Variants in ANK2 observed in about 807,000 individuals in gnomAD.
ANK2 encodes the protein ankyrin 2.
In ANK2, 83 loss-of-function variants were observed where a neutral mutation model predicts 360.5. The observed-to-expected ratio is 0.23, with a 90% CI of 0.19 to 0.28. ANK2 has a LOEUF of 0.28. Among genes scored for constraint, ANK2 ranks in the 10% least tolerant of loss-of-function variants. The pLI is 1.00. For synonymous variants in ANK2, 1,740 were observed against 1,759.5 expected, an observed-to-expected ratio of 0.99 and a Z score of 0.28; for missense variants, 4,201 against 4,795.7, an observed-to-expected ratio of 0.88 and a Z score of 3.66.
chr4:113,344,095 T>C (rs2094567942), intron 34 of ANK2, among the ~76,000 whole-genome samples: 1 of 152,240 alleles, frequency 6.6e-6, no homozygotes, highest in African/African-American at 2.4e-5. Flanking sequence ...TGATAGATTC[T>C]TACAGATCAC....
In ANK2 at chr4:113,369,526, A is replaced by G. The variant is rs2154065792; in HGVS notation, c.11331A>G (p.Pro3777=). Residue 3777 remains proline, a synonymous_variant, in exon 43 of 46, where the codon CCA becomes CCG. Transcript: ENST00000357077. ...TTTTTGATTCCAGTGTGACAACTCC[A>G]GGAACAGAAACATCAGAGACTCAGA... is the stretch of plus-strand genomic sequence containing the variant. The part of the protein sequence containing the change: ...EYQQEYFVTT[P]GTETSETQKA... The G allele has an allele frequency of 6.2e-7, 1 of 1,613,972 alleles. No homozygotes were observed. The highest frequency in any genetic ancestry group is 1.1e-5 in the South Asian group (1 of 91,090).
chr4:112,728,756 T>C, the ANK2 span, among the ~76,000 whole-genome samples: 1 of 151,636 alleles, frequency 6.6e-6, no homozygotes, highest in Non-Finnish European at 1.5e-5. Flanking sequence ...AATAAATAAA[T>C]AACAAGTGAA....
At chr4:112,975,880 TA>T (rs2041207447) in intron 2 of ANK2, among the ~76,000 whole-genome samples, 1 of 152,198 alleles carries the variant, frequency 6.6e-6, no homozygotes, top group Admixed American at 6.5e-5. Context: ...GGGTACCATC[TA>T]TGGGTACGTT....
intron 1 of ANK2, among the ~76,000 whole-genome samples, chr4:113,067,555 A>G (rs1159443120): frequency 6.6e-6 from 1 of 152,190 alleles, no homozygotes; most frequent in Admixed American, 6.5e-5. Context: ...AGTTTTAGGA[A>G]CCATCAGCAT....
upstream of ANK2, among the ~76,000 whole-genome samples, chr4:113,044,812 A>G (rs1404520464): frequency 3.9e-5 from 6 of 152,082 alleles, no homozygotes; most frequent in Admixed American, 6.6e-5. Flanking sequence ...AGCCCACCCT[A>G]GTTCATTATG....
upstream of ANK2, chr4:113,049,532 G>T (rs1322713662): frequency 1.4e-5 from 15 of 1,092,692 alleles, no homozygotes; most frequent in East Asian, 4.6e-4. Context: ...GGTTGAATCA[G>T]ATTTAACAAT....
At chr4:113,106,642 G>A (rs62313804) in intron 1 of ANK2, among the ~76,000 whole-genome samples, 29,730 of 152,036 alleles carry the variant, frequency 0.2, 2,981 homozygotes, top group Non-Finnish European at 0.22. Flanking sequence ...GTCTTCAATT[G>A]TAACTGTAGT....
At chr4:113,035,547 T>C (rs2061412994) in intron 2 of ANK2, among the ~76,000 whole-genome samples, 1 of 151,998 alleles carries the variant, frequency 6.6e-6, no homozygotes, top group Non-Finnish European at 1.5e-5. Flanking sequence ...ATCTATCTCC[T>C]TTTATAGATA....
chr4:113,030,714 A>G (rs1327450316), intron 2 of ANK2, among the ~76,000 whole-genome samples: 1 of 151,976 alleles, frequency 6.6e-6, no homozygotes, highest in Non-Finnish European at 1.5e-5. Context: ...ATGTTTGTGA[A>G]TGGCCAAGGT....
intron 1 of ANK2, among the ~76,000 whole-genome samples, chr4:112,846,927 T>C (rs1285875314): frequency 6.6e-6 from 1 of 152,106 alleles, no homozygotes; most frequent in East Asian, 1.9e-4. Context: ...TGTTCCAATA[T>C]CCAGGAAACG....
chr4:113,147,524 G>A (rs561206380), intron 1 of ANK2, among the ~76,000 whole-genome samples: 6 of 151,762 alleles, frequency 4.0e-5, no homozygotes, highest in African/African-American at 1.2e-4. Context: ...ATCATGATTG[G>A]TGTGACATTG....
chr4:113,149,168 C>A (rs141242448), intron 1 of ANK2: 2 of 152,040 alleles, frequency 1.3e-5, no homozygotes, highest in Non-Finnish European at 2.9e-5. Context: ...CTGAAGTGAA[C>A]AAGGATGGAG....
intron 2 of ANK2, among the ~76,000 whole-genome samples, chr4:113,032,312 G>A (rs760818190): frequency 6.7e-6 from 1 of 150,066 alleles, no homozygotes; most frequent in African/African-American, 2.5e-5. Context: ...GTTAGATGGC[G>A]TTGTCCCAGA....
rs180994536 is a variant in ANK2, at chr4:113,032,117, A to G, written c.21+127603A>G. 1.4e-3 allele frequency among the ~76,000 whole-genome samples: 208 copies of G among 152,216 alleles called. 1 individual carries two copies. Among genetic ancestry groups the G allele is most frequent in the African/African-American group, 4.8e-3 (198 of 41,560 alleles). ...ATAAATGAATCAAAGCATTATTTTGATGCTAATTAACAGTTCTACTTACTG... is the reference window on the plus strand; with the variant it reads ...ATAAATGAATCAAAGCATTATTTTGGTGCTAATTAACAGTTCTACTTACTG... On this transcript the variant is annotated intron_variant, in intron 2 of 30. Transcript: ENST00000503271.
At chr4:112,914,515 C>T (rs919703287) in intron 2 of ANK2, among the ~76,000 whole-genome samples, 6 of 152,002 alleles carry the variant, frequency 3.9e-5, no homozygotes, top group African/African-American at 7.2e-5. Flanking sequence ...CCCAGCTACC[C>T]GGGAGGCTGA....
intron 18 of ANK2, among the ~76,000 whole-genome samples, chr4:113,283,240 A>G (rs2063090717): frequency 6.6e-6 from 1 of 152,116 alleles, no homozygotes; most frequent in South Asian, 2.1e-4. Flanking sequence ...TCTAAATTTC[A>G]TATGTATAGA....
the ANK2 span, among the ~76,000 whole-genome samples, chr4:112,760,973 AT>A: frequency 1.3e-5 from 2 of 151,356 alleles, no homozygotes; most frequent in African/African-American, 2.4e-5. Context: ...TGCCCAGCTA[AT>A]TTTTGTATTT....
intron 17 of ANK2, 58 bp downstream of exon 17, chr4:113,278,616 A>G: frequency 6.5e-7 from 1 of 1,530,890 alleles, no homozygotes; most frequent in African/African-American, 1.4e-5. Context: ...CTGAAAACAC[A>G]TGAGAATTGT....
Position 113,258,120 on chromosome 4 carries a change from A to G in ANK2, c.1259A>G (p.Tyr420Cys), listed in dbSNP as rs768099021. The change falls in exon 12 of 46, where the codon TAT (tyrosine) becomes TGT (cysteine). Residue 420 changes from tyrosine (Y) to cysteine (C), a missense_variant. Tyr to Cys is a radical substitution (Grantham distance 194). Transcript: ENST00000357077. ...AAAGTCATGGAACTGCTGGTGAAAT[A>G]TGGGGCTTCAATCCAAGCTATAACA... Reference protein sequence around the residue: ...RIKVMELLVKYGASIQAITES... With the variant: ...RIKVMELLVKCGASIQAITES... 6.2e-7 allele frequency: 1 copy of G among 1,614,146 alleles called. No homozygotes were observed. Among genetic ancestry groups the G allele is most frequent in the Admixed American group, 1.7e-5 (1 of 60,022 alleles).
Sources: allele counts gnomAD v4.1 joint callset (sites outside exome capture counted in the v4.1 genomes callset), GRCh38; gene constraint gnomAD v4.1.1; transcripts MANE v1.5; gene names NCBI Gene and HGNC (gene_info 2026-07-23, HGNC 2026-07-21).